MYO9A: variants seen among roughly 807,000 people sequenced by gnomAD.
MYO9A encodes the protein unconventional myosin-IXa.
A neutral mutation model predicts 293.3 loss-of-function variants in MYO9A; 103 were observed. The ratio of observed to expected loss-of-function variants is 0.35; its 90% CI spans 0.30 to 0.41. MYO9A has a LOEUF of 0.41. Among genes scored for constraint, MYO9A ranks in the 10% least tolerant of loss-of-function variants. The pLI is 1.00. For missense variants in MYO9A, 2,685 were observed against 3,033.0 expected, an observed-to-expected ratio of 0.89 and a Z score of 2.69; for synonymous variants, 1,001 against 1,035.7, an observed-to-expected ratio of 0.97 and a Z score of 0.64.
chr15:71,991,386 T>TA (rs2076538190), intron 10 of MYO9A, 149 bp from the exon 11 acceptor site: 3 of 507,328 alleles, frequency 5.9e-6, no homozygotes, highest in South Asian at 1.0e-4. Flanking sequence ...TATCATGACT[T>TA]AAAAGTATTT....
At chr15:72,077,259 T>G (rs999556270) in intron 1 of MYO9A, among the ~76,000 whole-genome samples, 1 of 152,104 alleles carries the variant, frequency 6.6e-6, no homozygotes, top group African/African-American at 2.4e-5. Flanking sequence ...ATAGAAGAAA[T>G]AATTGATAAG....
At chr15:71,988,442 G>A (rs1442190696) in intron 11 of MYO9A, among the ~76,000 whole-genome samples, 1 of 152,140 alleles carries the variant, frequency 6.6e-6, no homozygotes, top group African/African-American at 2.4e-5. Flanking sequence ...GTAAGTGTTA[G>A]CTAATATTAT....
At chr15:71,883,516 A>ATAC in intron 28 of MYO9A, 78 bp downstream of exon 28, 1 of 1,443,466 alleles carries the variant, frequency 6.9e-7, no homozygotes, top group Non-Finnish European at 9.4e-7. Context: ...GACATTATGA[A>ATAC]TACTACAGGA....
chr15:71,884,786 C>A (rs576507183), intron 27 of MYO9A, among the ~76,000 whole-genome samples: 2 of 151,974 alleles, frequency 1.3e-5, no homozygotes, highest in South Asian at 4.1e-4. Context: ...TGAGTATGTA[C>A]TAGGTGACAG....
At chr15:71,956,943 T>C (rs374823413) in intron 14 of MYO9A, among the ~76,000 whole-genome samples, 14 of 151,846 alleles carry the variant, frequency 9.2e-5, no homozygotes, top group African/African-American at 3.4e-4. Flanking sequence ...ATTTCTTTTA[T>C]GGCCAAATAA....
At chr15:72,112,211 A>G (rs907943145) in intron 1 of MYO9A, among the ~76,000 whole-genome samples, 1 of 150,806 alleles carries the variant, frequency 6.6e-6, no homozygotes, top group African/African-American at 2.5e-5. Context: ...TGCTAATTGT[A>G]AAAAAAAATA....
At chr15:72,078,315 G>C (rs1007960441) in intron 1 of MYO9A, among the ~76,000 whole-genome samples, 1 of 151,928 alleles carries the variant, frequency 6.6e-6, no homozygotes, top group Non-Finnish European at 1.5e-5. Context: ...GCAATGTGGT[G>C]TGACCTCCTT....
Position 71,862,482 on chromosome 15 carries a change from A to T in MYO9A, c.6091+18T>A, listed in dbSNP as rs751804100. On this transcript the variant is annotated intron_variant, in intron 33 of 41. Coordinates refer to ENST00000356056, the MANE Select transcript of MYO9A (RefSeq NM_006901.4). ...TGTCAGTGGTTAAAAATATTCCTCA[A>T]AGATCTCTCATACTTACATTTGCAA... The T allele has an allele frequency of 6.5e-7, 1 of 1,536,512 alleles. No homozygotes were observed. The highest frequency in any genetic ancestry group is 1.7e-5 in the Admixed American group (1 of 59,710).
intron 39 of MYO9A, among the ~76,000 whole-genome samples, chr15:71,844,765 C>T (rs934141076): frequency 6.6e-6 from 1 of 151,994 alleles, no homozygotes; most frequent in Non-Finnish European, 1.5e-5. Context: ...TACTATAAAT[C>T]GAAGTAAGCC....
At chr15:71,957,941 G>A (rs2059241926) in intron 14 of MYO9A, among the ~76,000 whole-genome samples, 1 of 152,058 alleles carries the variant, frequency 6.6e-6, no homozygotes, top group Admixed American at 6.5e-5. Flanking sequence ...AAGCATCATT[G>A]TACTCAGTTC....
chr15:71,982,675 T>C (rs2076305511), intron 11 of MYO9A, among the ~76,000 whole-genome samples: 1 of 152,282 alleles, frequency 6.6e-6, no homozygotes, highest in Non-Finnish European at 1.5e-5. Context: ...AATCTCATCT[T>C]CTAGATATTT....
chr15:72,075,107 G>A (rs886206213), intron 1 of MYO9A, among the ~76,000 whole-genome samples: 10 of 151,872 alleles, frequency 6.6e-5, no homozygotes, highest in African/African-American at 2.4e-4. Context: ...TGGGATTATA[G>A]GTATGCGCCA....
At chr15:71,920,257 G>A (rs1402748343) in intron 18 of MYO9A, among the ~76,000 whole-genome samples, 1 of 151,974 alleles carries the variant, frequency 6.6e-6, no homozygotes, top group Non-Finnish European at 1.5e-5. Flanking sequence ...GCTGTGCAAG[G>A]TGCTGTAGGC....
intron 6 of MYO9A, among the ~76,000 whole-genome samples, chr15:72,017,978 G>C (rs982673440): frequency 1.3e-5 from 2 of 152,096 alleles, no homozygotes; most frequent in Non-Finnish European, 2.9e-5. Flanking sequence ...TATAATCCCA[G>C]CACTTTGACA....
intron 39 of MYO9A, among the ~76,000 whole-genome samples, chr15:71,846,754 T>TC (rs2055405134): frequency 8.9e-3 from 1 of 112 alleles, no homozygotes; most frequent in Non-Finnish European, 0.015. Context: ...TTCTCAGCCT[T>TC]CCATCCCCCC....
chr15:71,873,057 C>T (rs1025647713), intron 32 of MYO9A, among the ~76,000 whole-genome samples: 10 of 151,872 alleles, frequency 6.6e-5, no homozygotes, highest in Non-Finnish European at 1.3e-4. Flanking sequence ...GGATTACAGG[C>T]GCCCATCACC....
At chr15:71,873,230 T>G (rs1322090851) in intron 32 of MYO9A, among the ~76,000 whole-genome samples, 6 of 152,168 alleles carry the variant, frequency 3.9e-5, no homozygotes, top group Non-Finnish European at 8.8e-5. Context: ...GCCCTTGTAC[T>G]TTTTACTTAA....
At chr15:71,901,585 G>C (rs2057485903) in intron 22 of MYO9A, among the ~76,000 whole-genome samples, 1 of 151,602 alleles carries the variant, frequency 6.6e-6, no homozygotes, top group Non-Finnish European at 1.5e-5. Flanking sequence ...TAACTACTGA[G>C]AAGGCTGAAA....
chr15:71,838,485 G>GA (rs1245924194), intron 39 of MYO9A, among the ~76,000 whole-genome samples: 2 of 152,076 alleles, frequency 1.3e-5, no homozygotes, highest in East Asian at 3.8e-4. Flanking sequence ...GCAAGTACTG[G>GA]AAAAAATATA....
Sources: gnomAD v4.1 joint callset for allele counts (sites outside exome capture counted in the v4.1 genomes callset) on GRCh38, gnomAD v4.1.1 for gene constraint, MANE v1.5 for transcripts, NCBI Gene and HGNC (gene_info 2026-07-23, HGNC 2026-07-21) for gene names.